The following CELF2 variants were observed in gnomAD, a reference collection of about 807,000 sequenced individuals.
CELF2 encodes the protein CUGBP Elav-like family member 2, also known as CUG triplet repeat RNA-binding protein 2.
Under a neutral mutation model 62.6 loss-of-function variants are expected in CELF2, and 8 were observed. The ratio of observed to expected loss-of-function variants is 0.13; its 90% CI spans 0.07 to 0.23. The LOEUF is 0.23. Among genes scored for constraint, CELF2 ranks in the 10% least tolerant of loss-of-function variants. The pLI is 1.00. For synonymous variants in CELF2, 258 were observed against 250.0 expected, an observed-to-expected ratio of 1.03 and a Z score of -0.30; for missense variants, 333 against 671.0, an observed-to-expected ratio of 0.50 and a Z score of 5.56.
the CELF2 span, among the ~76,000 whole-genome samples, chr10:10,771,126 C>G: frequency 2.6e-5 from 4 of 152,160 alleles, no homozygotes; most frequent in African/African-American, 9.7e-5. Flanking sequence ...TTTTGCCTGT[C>G]CCTGAAGCTT....
intron 1 of CELF2, among the ~76,000 whole-genome samples, chr10:11,049,725 C>T (rs1349352664): frequency 6.6e-6 from 1 of 152,076 alleles, no homozygotes; most frequent in Non-Finnish European, 1.5e-5. Flanking sequence ...TGCCTGCCTC[C>T]TTGTAGTGGT....
chr10:11,100,033 C>G (rs1223047476), intron 1 of CELF2, among the ~76,000 whole-genome samples: 1 of 151,464 alleles, frequency 6.6e-6, no homozygotes, highest in South Asian at 2.1e-4. Flanking sequence ...AAACCCCGTC[C>G]CTACTAAAAA....
At chr10:10,919,130 C>T (rs758627050) in intron 1 of CELF2, among the ~76,000 whole-genome samples, 1 of 152,008 alleles carries the variant, frequency 6.6e-6, no homozygotes, top group Non-Finnish European at 1.5e-5. Flanking sequence ...GTTAGCTGCA[C>T]GTGGTGGCAC....
chr10:10,649,851 G>A, the CELF2 span, among the ~76,000 whole-genome samples: 1 of 152,176 alleles, frequency 6.6e-6, no homozygotes, highest in Non-Finnish European at 1.5e-5. Context: ...ATGCCTGAGA[G>A]GCTACATTCG....
At chr10:11,143,274 C>T (rs56168839) in intron 1 of CELF2, among the ~76,000 whole-genome samples, 7,269 of 152,286 alleles carry the variant, frequency 0.048, 249 homozygotes, top group Non-Finnish European at 0.075. Flanking sequence ...TTCTAATATC[C>T]AGTTTAATGA....
At chr10:11,183,596 C>T (rs1013035135) in intron 2 of CELF2, among the ~76,000 whole-genome samples, 4 of 152,226 alleles carry the variant, frequency 2.6e-5, no homozygotes, top group Non-Finnish European at 5.9e-5. Flanking sequence ...CACATTCCCT[C>T]CAACACTTGG....
chr10:10,566,968 A>G, the CELF2 span, among the ~76,000 whole-genome samples: 1 of 152,222 alleles, frequency 6.6e-6, no homozygotes, highest in Non-Finnish European at 1.5e-5. Flanking sequence ...TTAGAGGCAC[A>G]CATATTTACC....
intron 1 of CELF2, among the ~76,000 whole-genome samples, chr10:11,119,266 A>G (rs564197545): frequency 2.1e-4 from 32 of 152,334 alleles, no homozygotes; most frequent in African/African-American, 7.5e-4. Context: ...AGAGCAATAA[A>G]TTCAGTTGTT....
Position 10,995,067 on chromosome 10 carries a change from G to A in CELF2, c.89+75068G>A, listed in dbSNP as rs893652070. ...CTCTTGCGGCCCATAAAATCCCACA[G>A]CATTAGACACTGCATTATTCTTTGT... On this transcript the variant is annotated intron_variant, in intron 2 of 13. Transcript: ENST00000636488. The surrounding 1 kb of genome is among the most constrained non-coding windows in gnomAD (Gnocchi z 4.7). 1.3e-5 allele frequency among the ~76,000 whole-genome samples: 2 copies of A among 152,170 alleles called. No individual in the cohort carries two copies. The highest frequency in any genetic ancestry group is 4.8e-5 in the African/African-American group (2 of 41,550).
Position 11,328,427 on chromosome 10 carries a change from G to C in CELF2, c.1439-499G>C, listed in dbSNP as rs2132734064. On this transcript the variant is annotated intron_variant, in intron 12 of 12. Coordinates refer to ENST00000633077, the MANE Select transcript of CELF2 (RefSeq NM_001326342.2). This position sits in a 1 kb window ranked among gnomAD's most constrained non-coding sequence, Gnocchi z 6.4. ...GATGGAGAGCTCGAGTGACAGGCTG[G>C]GGCTTGGCAGTATCTGCTGTTCTCC... Among the ~76,000 whole-genome samples, 1 of 152,292 alleles carries C rather than the reference G, an allele frequency of 6.6e-6. No homozygotes were observed. The highest frequency in any genetic ancestry group is 3.4e-3 in the Middle Eastern group (1 of 294).
At chr10:11,202,941 C>G (rs945791228) in intron 2 of CELF2, among the ~76,000 whole-genome samples, 1 of 89,954 alleles carries the variant, frequency 1.1e-5, no homozygotes, top group Non-Finnish European at 2.4e-5. Flanking sequence ...CTCTCTCTCT[C>G]TCTCTCTCTC....
intron 9 of CELF2, among the ~76,000 whole-genome samples, chr10:11,289,097 G>C (rs768358983): frequency 6.6e-6 from 1 of 152,110 alleles, no homozygotes; most frequent in Non-Finnish European, 1.5e-5. Flanking sequence ...TTGCCTTGTT[G>C]TTCAAAAGCA....
At chr10:11,088,070 C>G (rs61830444) in intron 1 of CELF2, among the ~76,000 whole-genome samples, 1 of 152,146 alleles carries the variant, frequency 6.6e-6, no homozygotes, top group African/African-American at 2.4e-5. Context: ...GTGATTTGAG[C>G]CTTTAATGAA....
the CELF2 span, among the ~76,000 whole-genome samples, chr10:10,705,232 T>C: frequency 6.6e-6 from 1 of 152,192 alleles, no homozygotes; most frequent in Middle Eastern, 3.2e-3. Flanking sequence ...CATCCTACCA[T>C]ACTTTTCTTC....
At chr10:10,546,015 C>T in the CELF2 span, among the ~76,000 whole-genome samples, 14 of 152,130 alleles carry the variant, frequency 9.2e-5, no homozygotes, top group Admixed American at 3.9e-4. Flanking sequence ...GTTCAGAGAA[C>T]AGCCTTGTGC....
At chr10:10,893,769 A>G (rs2062328908) in intron 1 of CELF2, among the ~76,000 whole-genome samples, 1 of 152,132 alleles carries the variant, frequency 6.6e-6, no homozygotes, top group Admixed American at 6.6e-5. Flanking sequence ...GGTGCTGTAC[A>G]CTTTTAAACA....
chr10:10,638,047 A>G, the CELF2 span, among the ~76,000 whole-genome samples: 1 of 152,168 alleles, frequency 6.6e-6, no homozygotes, highest in Non-Finnish European at 1.5e-5. Flanking sequence ...ACTCACTTCA[A>G]TTGGGGATAC....
chr10:10,629,480 ACTATTTTTAAC>A, the CELF2 span, among the ~76,000 whole-genome samples: 16 of 152,028 alleles, frequency 1.1e-4, no homozygotes, highest in Non-Finnish European at 2.2e-4. Flanking sequence ...AAATTTGCAA[ACTATTTTTAAC>A]CTCTTTTTAA....
the CELF2 span, among the ~76,000 whole-genome samples, chr10:10,650,859 G>C: frequency 2.0e-5 from 3 of 150,814 alleles, no homozygotes; most frequent in African/African-American, 7.3e-5. Flanking sequence ...AACGTGGAGG[G>C]GGGAGGAGCC....
Sources: gnomAD v4.1 joint callset for allele counts (sites outside exome capture counted in the v4.1 genomes callset) on GRCh38, gnomAD v4.1.1 for gene constraint, Gnocchi (gnomAD v3.1) non-coding constraint, MANE v1.5 for transcripts, NCBI Gene and HGNC (gene_info 2026-07-23, HGNC 2026-07-21) for gene names.